MMP13: variants seen among roughly 807,000 people sequenced by gnomAD.
MMP13 encodes collagenase 3.
Under a neutral mutation model 52.1 loss-of-function variants are expected in MMP13, and 45 were observed. That is an observed-to-expected ratio of 0.86 (90% CI 0.68 to 1.11). The LOEUF is 1.11. Ranked by LOEUF, MMP13 falls within the 50% of genes least tolerant of loss-of-function variation. The pLI is 0.00. For missense variants in MMP13, 576 were observed against 583.8 expected, an observed-to-expected ratio of 0.99 and a Z score of 0.14; for synonymous variants, 200 against 204.4, an observed-to-expected ratio of 0.98 and a Z score of 0.18.
chr11:102,945,935 G>A (rs1555016627), intron 8 of MMP13, among the ~76,000 whole-genome samples, 186 bp from the exon 9 acceptor site: 1 of 152,186 alleles, frequency 6.6e-6, no homozygotes, highest in African/African-American at 2.4e-5. Flanking sequence ...GATGCTTGAC[G>A]AGTATTTGTT....
intron 5 of MMP13, among the ~76,000 whole-genome samples, chr11:102,951,322 T>C (rs1407106789): frequency 2.0e-5 from 3 of 152,152 alleles, no homozygotes; most frequent in African/African-American, 4.8e-5. Context: ...CTTGTTACTA[T>C]AGGTATGCTA....
intron 7 of MMP13, 40 bp from the exon 8 acceptor site, chr11:102,948,090 TC>T: frequency 6.3e-7 from 1 of 1,578,616 alleles, no homozygotes; most frequent in Non-Finnish European, 8.7e-7. Context: ...TCCAAGGGAA[TC>T]TATTAGGACT....
intron 4 of MMP13, 21 bp downstream of exon 4, chr11:102,954,135 T>C: frequency 6.2e-7 from 1 of 1,612,680 alleles, no homozygotes; most frequent in Admixed American, 1.7e-5. Context: ...ACATAAATGA[T>C]ATCTTTATAA....
At chr11:102,953,023 C>T (rs962779586) in intron 4 of MMP13, among the ~76,000 whole-genome samples, 4 of 152,060 alleles carry the variant, frequency 2.6e-5, no homozygotes, top group African/African-American at 4.8e-5. Context: ...GAAAATGAAC[C>T]ATCCTAGCAA....
chr11:102,950,073 G>C, intron 6 of MMP13, 37 bp downstream of exon 6: 2 of 1,516,604 alleles, frequency 1.3e-6, no homozygotes, highest in African/African-American at 2.7e-5. Flanking sequence ...ACAGATGTTT[G>C]TCGCATACAG....
chr11:102,945,820 T>C, intron 8 of MMP13, 71 bp from the exon 9 acceptor site: 3 of 776,652 alleles, frequency 3.9e-6, no homozygotes, highest in Non-Finnish European at 6.5e-6. Flanking sequence ...ATACAATAGA[T>C]ACAATGGCAT....
chr11:102,945,628 T>G lies in MMP13; in HGVS notation c.1315+18A>C. On this transcript the variant is annotated intron_variant, in intron 9 of 9. Coordinates refer to ENST00000260302, the MANE Select transcript of MMP13 (RefSeq NM_002427.4). ...TACAGAAGCTCCTCTTTAAAGTCAG[T>G]GCAATGTAACTACTTACCATTTTTC... 7.0e-7 allele frequency: 1 copy of G among 1,436,614 alleles called. No homozygotes were observed. The highest frequency in any genetic ancestry group is 2.3e-5 in the East Asian group (1 of 43,938). The allele number at this position is 1,436,614 out of a possible 1,614,324, so 89.0% of individuals were successfully genotyped here.
chr11:102,953,312 A>C (rs1397916195), intron 4 of MMP13, among the ~76,000 whole-genome samples: 2 of 152,170 alleles, frequency 1.3e-5, no homozygotes, highest in Admixed American at 1.3e-4. Flanking sequence ...GAACATAAAT[A>C]TGTAAATTTT....
chr11:102,945,596 G>A, intron 9 of MMP13, 50 bp downstream of exon 9: 1 of 1,119,452 alleles, frequency 8.9e-7, no homozygotes, highest in Non-Finnish European at 1.4e-6. Context: ...AAAGAGTTTT[G>A]AGGGGCTACA....
At position 102,952,233 on chromosome 11, in the gene MMP13, G is replaced by T; in HGVS notation, c.638-60C>A. 6.4e-7 allele frequency: 1 copy of T among 1,565,738 alleles called. No homozygotes were observed. On this transcript the variant is annotated intron_variant, in intron 4 of 9. Transcript: ENST00000260302. This position sits in a 1 kb window ranked among gnomAD's most constrained non-coding sequence, Gnocchi z 4.3. Reference sequence around the variant, plus strand: ...GAATTCCAGTGACCAGGTAATGAAAGGAATATCATTTTATCTATCTGGTAT... The same window carrying T: ...GAATTCCAGTGACCAGGTAATGAAATGAATATCATTTTATCTATCTGGTAT...
In MMP13 at chr11:102,954,460, T is replaced by G. The variant is rs145243532; in HGVS notation, c.509A>C (p.Lys170Thr). 547 of 1,613,418 alleles carry G rather than the reference T, an allele frequency of 3.4e-4. 1 individual carries two copies. Among genetic ancestry groups the G allele is most frequent in the Middle Eastern group, 3.3e-3 (20 of 6,058 alleles). The change falls in exon 3 of 10, where the codon AAG becomes ACG. Residue 170 changes from lysine to threonine, a missense_variant and splice_region_variant. Coordinates refer to ENST00000260302, the MANE Select transcript of MMP13 (RefSeq NM_002427.4). The part of the protein sequence containing the change: ...IADIMISFGI[K>T]EHGDFYPFDG... ...GTAAAATAAATGTGCATCATTACCCTTAATTCCAAAAGAGATCATGATGTC... is the reference window on the plus strand; with the variant it reads ...GTAAAATAAATGTGCATCATTACCCGTAATTCCAAAAGAGATCATGATGTC...
At chr11:102,945,256 A>T in intron 9 of MMP13, 6 of 827,666 alleles carry the variant, frequency 7.2e-6, no homozygotes, top group South Asian at 2.3e-5. Flanking sequence ...AAAAAAAAAA[A>T]GGTTGAGAAC....
Position 102,949,202 on chromosome 11 carries a change from G to A in MMP13, c.918-44C>T. 6.2e-7 allele frequency: 1 copy of A among 1,606,554 alleles called. No homozygotes were observed. Among genetic ancestry groups the A allele is most frequent in the Non-Finnish European group, 8.5e-7 (1 of 1,177,260 alleles). ...GGAGTTTTCTGTCACATTTTTAAAT[G>A]CAATATTTCTATCCTGCTAGTCACC... On this transcript the variant is annotated intron_variant, in intron 6 of 9. Coordinates refer to ENST00000260302, the MANE Select transcript of MMP13 (RefSeq NM_002427.4). This position sits in a 1 kb window ranked among gnomAD's most constrained non-coding sequence, Gnocchi z 4.2.
chr11:102,953,792 T>A (rs933472590), intron 4 of MMP13, among the ~76,000 whole-genome samples: 16 of 152,310 alleles, frequency 1.1e-4, no homozygotes, highest in African/African-American at 3.6e-4. Context: ...GACCCATAGA[T>A]CCAGCCCTGG....
At chr11:102,951,925 T>C (rs1281881282) in intron 5 of MMP13, 87 bp downstream of exon 5, 7 of 1,390,206 alleles carry the variant, frequency 5.0e-6, no homozygotes, top group African/African-American at 1.4e-5. Context: ...AACATTATTA[T>C]GCAGCATGAC....
Position 102,945,705 on chromosome 11 carries a change from A to C in MMP13, c.1256T>G (p.Leu419Arg). The change falls in exon 9 of 10, where the codon CTA (leucine) becomes CGA (arginine). Residue 419 changes from leucine to arginine, a missense_variant. Physicochemically the swap from Leu to Arg is moderately radical, Grantham distance 102. Transcript: ENST00000260302. ...NHIMDKDYPRLIEEDFPGIGD... is the reference protein window; with the variant it reads ...NHIMDKDYPRRIEEDFPGIGD... ...AATTCCTGGGAAGTCTTCTTCTATT[A>C]GTCTCGGATAGTCTTTATCCATAAT... is the stretch of plus-strand genomic sequence containing the variant. 6.2e-7 allele frequency: 1 copy of C among 1,603,124 alleles called. No individual in the cohort carries two copies. The highest frequency in any genetic ancestry group is 1.7e-4 in the Middle Eastern group (1 of 6,034).
In MMP13 at chr11:102,952,023, T is replaced by C. The variant is rs1057519177; in HGVS notation, c.788A>G (p.Gln263Arg). 1.2e-6 allele frequency: 2 copies of C among 1,613,252 alleles called. No individual in the cohort carries two copies. Among genetic ancestry groups the C allele is most frequent in the Non-Finnish European group, 1.7e-6 (2 of 1,179,330 alleles). ...MLPDDDVQGI[Q>R]SLYGPGDEDP... ...TATAACCGAGTTACCATAGAGAGAC[T>C]GGATCCCTTGTACATCGTCATCAGG... is the stretch of plus-strand genomic sequence containing the variant. The change falls in exon 5 of 10, where the codon CAG becomes CGG. Residue 263 changes from glutamine to arginine, a missense_variant. By Grantham distance (43) the Gln-to-Arg change is conservative. Coordinates refer to ENST00000260302, the MANE Select transcript of MMP13 (RefSeq NM_002427.4). This position sits in a 1 kb window ranked among gnomAD's most constrained non-coding sequence, Gnocchi z 4.3.
Position 102,943,466 on chromosome 11 carries a change from T to A in MMP13, c.*800A>T, listed in dbSNP as rs189328192. On this transcript the variant is annotated 3_prime_UTR_variant, in exon 10 of 10. Transcript: ENST00000260302. ...AATCAAATAATTTATGAAAAAGGGA[T>A]GCCATGGCCTTAGACTATTTTGATA... 15 of 152,332 alleles carry A rather than the reference T, an allele frequency of 9.8e-5. No homozygotes were observed. The highest frequency in any genetic ancestry group is 1.9e-4 in the Non-Finnish European group (13 of 68,024). The allele number at this position is 152,332 out of a possible 1,614,324, so 9.4% of individuals were successfully genotyped here. A position where few individuals can be genotyped will look rare whatever the true frequency, so the allele number is the denominator to read the frequency against.
At position 102,952,563 on chromosome 11, in the gene MMP13, T is replaced by A. The variant is rs1860630013; in HGVS notation, c.638-390A>T. Among the ~76,000 whole-genome samples the A allele has an allele frequency of 1.3e-5, 2 of 152,056 alleles. No homozygotes were observed. Among genetic ancestry groups the A allele is most frequent in the Admixed American group, 1.3e-4 (2 of 15,256 alleles). Reference sequence around the variant, plus strand: ...CGAGGAGTGGGGAAATCACATAGGGTGGTACCTAGCTAGGGTGCTGCCCAG... The same window carrying A: ...CGAGGAGTGGGGAAATCACATAGGGAGGTACCTAGCTAGGGTGCTGCCCAG... On this transcript the variant is annotated intron_variant, in intron 4 of 9. Transcript: ENST00000260302. The surrounding 1 kb of genome is among the most constrained non-coding windows in gnomAD (Gnocchi z 4.3).
Sources: gnomAD v4.1 joint callset for allele counts (sites outside exome capture counted in the v4.1 genomes callset) on GRCh38, gnomAD v4.1.1 for gene constraint, Gnocchi (gnomAD v3.1) non-coding constraint, MANE v1.5 for transcripts, NCBI Gene and HGNC (gene_info 2026-07-23, HGNC 2026-07-21) for gene names.